Variants in KALRN observed in about 807,000 individuals in gnomAD.
KALRN encodes kalirin RhoGEF kinase.
Under a neutral mutation model 353.7 loss-of-function variants are expected in KALRN, and 70 were observed. That is an observed-to-expected ratio of 0.20 (90% CI 0.16 to 0.24). The LOEUF (loss-of-function observed/expected upper bound fraction) is 0.24, where lower values mean the gene tolerates loss of function less well. Among genes scored for constraint, KALRN ranks in the 10% least tolerant of loss-of-function variants. The pLI, the probability that KALRN is intolerant of heterozygous loss-of-function variation, is 1.00. For missense variants in KALRN, 2,791 were observed against 3,756.7 expected, an observed-to-expected ratio of 0.74 and a Z score of 6.72; for synonymous variants, 1,391 against 1,434.8, an observed-to-expected ratio of 0.97 and a Z score of 0.69.
At chr3:124,186,418 A>C (rs2074239217) in intron 1 of KALRN, among the ~76,000 whole-genome samples, 1 of 152,214 alleles carries the variant, frequency 6.6e-6, no homozygotes, top group South Asian at 2.1e-4. Context: ...ATGGGGTTGT[A>C]GTAGGGATTA....
chr3:124,417,358 C>G (rs1430636416), intron 14 of KALRN, among the ~76,000 whole-genome samples: 1 of 152,212 alleles, frequency 6.6e-6, no homozygotes, highest in African/African-American at 2.4e-5. Context: ...CCTAGCTGCC[C>G]TCATCGGCCA....
intron 10 of KALRN, among the ~76,000 whole-genome samples, chr3:124,382,264 TTC>T (rs1387147198): frequency 6.6e-6 from 1 of 152,234 alleles, no homozygotes; most frequent in Admixed American, 6.5e-5. Flanking sequence ...GCTACTATTA[TTC>T]TGTTTTTACT....
intron 1 of KALRN, among the ~76,000 whole-genome samples, chr3:124,086,971 A>G (rs1295301663): frequency 6.6e-6 from 1 of 152,206 alleles, no homozygotes; most frequent in Non-Finnish European, 1.5e-5. Context: ...TTTCATATCA[A>G]TTCACAGAAA....
At position 124,667,169 on chromosome 3, in the gene KALRN, G is replaced by A. The variant is rs747043605; in HGVS notation, c.6689G>A (p.Arg2230Gln). 12 of 1,613,820 alleles carry A rather than the reference G, an allele frequency of 7.4e-6. No individual in the cohort carries two copies. The highest frequency in any genetic ancestry group is 5.5e-5 in the South Asian group (5 of 91,040). The change falls in exon 47 of 60, where the codon CGA becomes CAA. Residue 2230 changes from arginine (R) to glutamine (Q), a missense_variant. Physicochemically the swap from Arg to Gln is conservative, Grantham distance 43 (BLOSUM62 1). Transcript: ENST00000682506. ...QDINQVLETQ[R>Q]DFLNALQSPI... The stretch of plus-strand genomic sequence containing the variant: ...ATCAATCAAGTCTTAGAAACACAGC[G>A]AGACTTTTTGAATGGTGGGTGCTGG...
chr3:124,176,644 C>A (rs571590449), intron 1 of KALRN, among the ~76,000 whole-genome samples: 1 of 152,318 alleles, frequency 6.6e-6, no homozygotes, highest in Non-Finnish European at 1.5e-5. Flanking sequence ...TAACCATCAA[C>A]TGTATCACCT....
intron 33 of KALRN, among the ~76,000 whole-genome samples, chr3:124,558,985 T>A (rs1397855941): frequency 1.3e-5 from 2 of 152,276 alleles, no homozygotes; most frequent in African/African-American, 4.8e-5. Flanking sequence ...ACACAGTTTA[T>A]ACAAGAAGGA....
chr3:124,222,229 G>T (rs890447548), intron 1 of KALRN, among the ~76,000 whole-genome samples: 1 of 152,168 alleles, frequency 6.6e-6, no homozygotes, highest in South Asian at 2.1e-4. Context: ...TGAGCAGTTT[G>T]GACAGGTGTT....
chr3:124,553,327 T>C lies in KALRN; in HGVS notation c.4936-9516T>C, dbSNP rs529949105. Among the ~76,000 whole-genome samples the C allele has an allele frequency of 2.0e-5, 3 of 152,318 alleles. No homozygotes were observed. In the East Asian group the frequency reaches 5.8e-4, roughly 29 times the overall value. On this transcript the variant is annotated intron_variant, in intron 33 of 59. Transcript: ENST00000682506. ...CTCCAGATGATACAGATAGTAGCGA[T>C]TGAGACAGATTCAAACCTAAGCAGT...
chr3:124,710,339 G>A (rs1478163003), intron 57 of KALRN, among the ~76,000 whole-genome samples: 1 of 152,142 alleles, frequency 6.6e-6, no homozygotes, highest in Non-Finnish European at 1.5e-5. Flanking sequence ...GACAGAGGGA[G>A]GAAGGAGGCT....
chr3:124,567,574 C>A (rs2073014995), intron 34 of KALRN, among the ~76,000 whole-genome samples: 1 of 152,170 alleles, frequency 6.6e-6, no homozygotes, highest in Non-Finnish European at 1.5e-5. Flanking sequence ...TTGGGCCCTC[C>A]AGCCCTAGTC....
intron 32 of KALRN, among the ~76,000 whole-genome samples, chr3:124,493,092 T>C (rs1181743946): frequency 6.6e-6 from 1 of 152,200 alleles, no homozygotes; most frequent in Non-Finnish European, 1.5e-5. Flanking sequence ...TCTTATATGA[T>C]AAACACTCTG....
chr3:124,518,536 C>T (rs2066886009), intron 33 of KALRN: 1 of 1,612,116 alleles, frequency 6.2e-7, no homozygotes, highest in Non-Finnish European at 8.5e-7. Flanking sequence ...ACCAGGACTC[C>T]AATCACCCAC....
chr3:124,294,511 G>A (rs995587838), intron 5 of KALRN, among the ~76,000 whole-genome samples: 11 of 109,970 alleles, frequency 1.0e-4, no homozygotes, highest in African/African-American at 3.5e-4. Context: ...AGACTAAGAA[G>A]ATTCTCTTCT....
At chr3:124,566,691 A>T (rs1254385290) in intron 34 of KALRN, among the ~76,000 whole-genome samples, 1 of 152,128 alleles carries the variant, frequency 6.6e-6, no homozygotes, top group Non-Finnish European at 1.5e-5. Context: ...TCCTTCTCTT[A>T]TTCCAGCTGG....
rs770918810 is a variant in KALRN, at chr3:124,395,324, G to T, written c.2152G>T (p.Gly718Trp). The change falls in exon 12 of 60, where the codon GGG becomes TGG. Residue 718 changes from glycine (G) to tryptophan (W), a missense_variant. Physicochemically the swap from Gly to Trp is radical, Grantham distance 184. Transcript: ENST00000682506. Reference sequence around the variant, plus strand: ...GCTCAGGTCAGCGCCTCCCTCCCTCGGGGAGCCCAGCGAGGCCAGGTCAGC... The same window carrying T: ...GCTCAGGTCAGCGCCTCCCTCCCTCTGGGAGCCCAGCGAGGCCAGGTCAGC... ...QQLRSAPPSLGEPSEARDSAV... is the reference protein window; with the variant it reads ...QQLRSAPPSLWEPSEARDSAV... 1.4e-5 allele frequency: 23 copies of T among 1,612,690 alleles called. No individual in the cohort carries two copies. Among genetic ancestry groups the T allele is most frequent in the Non-Finnish European group, 1.9e-5 (23 of 1,179,586 alleles).
At chr3:124,034,188 C>T (rs1199597894) in intron 1 of KALRN, among the ~76,000 whole-genome samples, 1 of 152,150 alleles carries the variant, frequency 6.6e-6, no homozygotes, top group Non-Finnish European at 1.5e-5. Flanking sequence ...TCCCCCTCCC[C>T]TGTGCCTGTC....
At chr3:124,232,308 C>T (rs1423816708) in intron 2 of KALRN, among the ~76,000 whole-genome samples, 5 of 152,202 alleles carry the variant, frequency 3.3e-5, no homozygotes, top group South Asian at 2.1e-4. Context: ...CTGTCATTCT[C>T]GAGAGAAGTT....
Position 124,083,693 on chromosome 3 carries a change from G to A in KALRN, c.73+49880G>A, listed in dbSNP as rs114511044. On this transcript the variant is annotated intron_variant, in intron 1 of 59. Transcript: ENST00000682506. ...ACAACTGTTAGAATTGGCATTTGAAGGGAGTTGGCTGCGGAGCCTTAGTGG... is the reference window on the plus strand; with the variant it reads ...ACAACTGTTAGAATTGGCATTTGAAAGGAGTTGGCTGCGGAGCCTTAGTGG... Among the ~76,000 whole-genome samples, 448 of 152,366 alleles carry A rather than the reference G, an allele frequency of 2.9e-3. 2 individuals carry two copies. The highest frequency in any genetic ancestry group is 4.7e-3 in the Non-Finnish European group (322 of 68,024).
intron 10 of KALRN, among the ~76,000 whole-genome samples, chr3:124,381,542 G>C (rs768498436): frequency 7.9e-5 from 12 of 152,174 alleles, no homozygotes; most frequent in Non-Finnish European, 1.6e-4. Context: ...AGACAAAGCT[G>C]AGGGCCCAGC....
Sources: gnomAD v4.1 joint callset for allele counts (sites outside exome capture counted in the v4.1 genomes callset) on GRCh38, gnomAD v4.1.1 for gene constraint, MANE v1.5 for transcripts, NCBI Gene and HGNC (gene_info 2026-07-23, HGNC 2026-07-21) for gene names.